Variants in TBC1D32 observed in about 807,000 individuals in gnomAD.
The protein encoded by TBC1D32 is TBC1 domain family member 32.
A neutral mutation model predicts 170.3 loss-of-function variants in TBC1D32; 151 were observed. The ratio of observed to expected loss-of-function variants is 0.89; its 90% confidence interval spans 0.78 to 1.01. The LOEUF is 1.01. TBC1D32 is among the 50% of genes least tolerant of loss of function. The pLI is 0.00. For synonymous variants in TBC1D32, 498 were observed against 488.0 expected (o/e 1.02, Z -0.27); for missense variants, 1,464 against 1,457.1 (o/e 1.00, Z -0.08).
chr6:121,242,348 G>A lies in TBC1D32; in HGVS notation c.2019-9C>T, dbSNP rs1340747127. On this transcript the variant is annotated splice_polypyrimidine_tract_variant and intron_variant, in intron 17 of 31. Coordinates refer to ENST00000398212, the MANE Select transcript of TBC1D32 (RefSeq NM_152730.6). Reference sequence around the variant, plus strand: ...TATCTTCCCAAGCCATACTGAAATAGGTAAAAGAAAGGTAGAGCTTTCTTT... The same window carrying A: ...TATCTTCCCAAGCCATACTGAAATAAGTAAAAGAAAGGTAGAGCTTTCTTT... The A allele has an allele frequency of 8.1e-6, 13 of 1,609,330 alleles. No homozygotes were observed. The highest frequency in any genetic ancestry group is 1.1e-5 in the Non-Finnish European group (13 of 1,178,320).
At chr6:121,149,037 T>C (rs946010772) in intron 24 of TBC1D32, among the ~76,000 whole-genome samples, 25 of 152,376 alleles carry the variant, frequency 1.6e-4, no homozygotes, top group African/African-American at 5.8e-4. Context: ...TTCATGTTTA[T>C]TGGCTGCATA....
intron 22 of TBC1D32, among the ~76,000 whole-genome samples, chr6:121,185,287 A>G (rs181149184): frequency 1.9e-4 from 29 of 152,090 alleles, no homozygotes; most frequent in Admixed American, 1.9e-3. Flanking sequence ...TAGTTAGAGA[A>G]AATTTCCCAT....
In TBC1D32 at chr6:121,284,726, T is replaced by C. The variant is rs113807523; in HGVS notation, c.1373-816A>G. Among the ~76,000 whole-genome samples the C allele has an allele frequency of 8.9e-3, 1,353 of 152,244 alleles. 9 individuals carry two copies. The highest frequency in any genetic ancestry group is 0.041 in the South Asian group (200 of 4,824). On this transcript the variant is annotated intron_variant, in intron 12 of 31. Coordinates refer to ENST00000398212, the MANE Select transcript of TBC1D32 (RefSeq NM_152730.6). The stretch of plus-strand genomic sequence containing the variant: ...CTCAATTTTCAGGTGGTCTATAATA[T>C]CTGGTAGGCCAAAATGTAGATGTTA...
Position 121,095,403 on chromosome 6 carries a change from T to C in TBC1D32, c.3466-4362A>G, listed in dbSNP as rs55993618. 8.2e-3 allele frequency among the ~76,000 whole-genome samples: 1,246 copies of C among 152,276 alleles called. 18 individuals carry two copies. The highest frequency in any genetic ancestry group is 0.029 in the African/African-American group (1,191 of 41,552). ...ATAAGAACATTACATCTTCCTCTTTTCCTATTTGAATACCCTTTATTTCTT... is the reference window on the plus strand; with the variant it reads ...ATAAGAACATTACATCTTCCTCTTTCCCTATTTGAATACCCTTTATTTCTT... On this transcript the variant is annotated intron_variant, in intron 30 of 31. Transcript: ENST00000398212.
At chr6:121,315,835 T>A (rs1808861144) in intron 3 of TBC1D32, among the ~76,000 whole-genome samples, 1 of 152,152 alleles carries the variant, frequency 6.6e-6, no homozygotes, top group Non-Finnish European at 1.5e-5. Flanking sequence ...CAATATCTCC[T>A]AGAACTTGGA....
intron 12 of TBC1D32, among the ~76,000 whole-genome samples, chr6:121,289,664 G>A (rs1215509444): frequency 5.9e-5 from 9 of 151,960 alleles, no homozygotes; most frequent in Non-Finnish European, 1.3e-4. Flanking sequence ...AGTTCATATG[G>A]AACCAAAAAA....
chr6:121,162,089 G>T (rs565737057), intron 22 of TBC1D32, among the ~76,000 whole-genome samples: 1 of 152,094 alleles, frequency 6.6e-6, no homozygotes, highest in Non-Finnish European at 1.5e-5. Context: ...ATTAGGTGTT[G>T]TTAGATCTTT....
intron 24 of TBC1D32, among the ~76,000 whole-genome samples, chr6:121,159,445 T>G (rs1200438888): frequency 6.6e-6 from 1 of 152,168 alleles, no homozygotes; most frequent in African/African-American, 2.4e-5. Flanking sequence ...ACTGGACAGA[T>G]CAGCTACAGC....
intron 1 of TBC1D32, among the ~76,000 whole-genome samples, chr6:121,328,718 G>A (rs1188444221): frequency 6.6e-6 from 1 of 152,088 alleles, no homozygotes; most frequent in African/African-American, 2.4e-5. Flanking sequence ...TGCAACCTTA[G>A]GCAAAACACC....
At position 121,303,773 on chromosome 6, in the gene TBC1D32, G is replaced by T; in HGVS notation, c.936-12C>A. ...TTTCTTCCATATACCTTAAAGTTTGGGAAAAAAGAAATACAATTACACATA... is the reference window on the plus strand; with the variant it reads ...TTTCTTCCATATACCTTAAAGTTTGTGAAAAAAGAAATACAATTACACATA... On this transcript the variant is annotated splice_polypyrimidine_tract_variant and intron_variant, in intron 8 of 31. Coordinates refer to ENST00000398212, the MANE Select transcript of TBC1D32 (RefSeq NM_152730.6). 6.7e-7 allele frequency: 1 copy of T among 1,494,298 alleles called. No individual in the cohort carries two copies. Among genetic ancestry groups the T allele is most frequent in the Non-Finnish European group, 9.0e-7 (1 of 1,107,168 alleles). 92.6% of individuals were successfully genotyped at this position (1,494,298 alleles called of 1,614,324 possible). A position where few individuals can be genotyped will look rare whatever the true frequency, so the allele number is the denominator to read the frequency against.
At chr6:121,139,479 CGGAG>C (rs1782527131) in intron 24 of TBC1D32, among the ~76,000 whole-genome samples, 1 of 152,032 alleles carries the variant, frequency 6.6e-6, no homozygotes, top group African/African-American at 2.4e-5. Context: ...GAGACATGAA[CGGAG>C]ACTTAATTTC....
chr6:121,090,811 G>T (rs749002025), intron 31 of TBC1D32, 42 bp downstream of exon 31: 2 of 1,558,556 alleles, frequency 1.3e-6, no homozygotes, highest in East Asian at 4.5e-5. Flanking sequence ...ACCAAAGTTA[G>T]CTATTAACTC....
intron 20 of TBC1D32, chr6:121,236,850 C>G (rs570114850): frequency 6.6e-6 from 1 of 151,938 alleles, no homozygotes; most frequent in African/African-American, 2.4e-5. Flanking sequence ...ATCCTATGTA[C>G]GATTTTATTT....
intron 15 of TBC1D32, among the ~76,000 whole-genome samples, chr6:121,271,243 G>A (rs1054259019): frequency 1.3e-5 from 2 of 152,280 alleles, no homozygotes; most frequent in African/African-American, 4.8e-5. Context: ...ATTCAACAGA[G>A]TTTTGGAAGT....
rs571213723 is a variant in TBC1D32 at position 121,200,759 on chromosome 6, G to A, written c.2570+4316C>T. On this transcript the variant is annotated intron_variant, in intron 22 of 31. Transcript: ENST00000398212. The stretch of plus-strand genomic sequence containing the variant: ...GAATGGGCTATAAGTAATTCATAGA[G>A]CAAGCTTTGTGTTGAAGGATGGGTT... 3.2e-4 allele frequency among the ~76,000 whole-genome samples: 48 copies of A among 151,594 alleles called. 1 individual carries two copies. Among genetic ancestry groups the A allele is most frequent in the Non-Finnish European group, 5.4e-4 (37 of 68,016 alleles).
rs372273339 is a variant in TBC1D32, at chr6:121,275,117, C to T, written c.1733+4004G>A. Among the ~76,000 whole-genome samples, 435 of 152,136 alleles carry T rather than the reference C, an allele frequency of 2.9e-3. 3 individuals carry two copies. Among genetic ancestry groups the T allele is most frequent in the African/African-American group, 9.9e-3 (412 of 41,526 alleles). Reference sequence around the variant, plus strand: ...AGTCGATTGCACAACAGTATTGCACCGATGGAGAATGAAGGAACTAGGTAC... The same window carrying T: ...AGTCGATTGCACAACAGTATTGCACTGATGGAGAATGAAGGAACTAGGTAC... On this transcript the variant is annotated intron_variant, in intron 15 of 31. Transcript: ENST00000398212.
intron 30 of TBC1D32, among the ~76,000 whole-genome samples, chr6:121,103,865 G>T (rs1352430668): frequency 1.3e-5 from 2 of 151,798 alleles, no homozygotes; most frequent in Non-Finnish European, 2.9e-5. Flanking sequence ...CTTTTTAGAA[G>T]AATAGAAAGA....
chr6:121,080,830 G>T lies in TBC1D32; in HGVS notation c.3715C>A (p.Gln1239Lys), dbSNP rs1775564243. The T allele has an allele frequency of 4.3e-6, 7 of 1,613,820 alleles. No individual in the cohort carries two copies. The highest frequency in any genetic ancestry group is 5.9e-6 in the Non-Finnish European group (7 of 1,179,870). The change falls in exon 32 of 32, where the codon CAA (glutamine) becomes AAA (lysine). Residue 1239 changes from glutamine to lysine, a missense_variant. Around this residue, in one of 3 missense-constraint regions of TBC1D32, gnomAD observed 97 missense variants for 102.0 expected, o/e 0.95. Coordinates refer to ENST00000398212, the MANE Select transcript of TBC1D32 (RefSeq NM_152730.6). The part of the protein sequence containing the change: ...DYFEYMEILE[Q>K]NYRTVLLRDM... ...CTCAGCAGCACTGTTCGGTAGTTTT[G>T]TTCCAAAATTTCCATGTATTCAAAA...
At chr6:121,303,099 A>C (rs1221664480) in intron 9 of TBC1D32, among the ~76,000 whole-genome samples, 1 of 152,150 alleles carries the variant, frequency 6.6e-6, no homozygotes, top group Non-Finnish European at 1.5e-5. Context: ...CAGTATAAAG[A>C]TCTCTCTACT....
Sources: gnomAD v4.1 joint callset for allele counts (sites outside exome capture counted in the v4.1 genomes callset) on GRCh38, gnomAD v4.1.1 for gene constraint, gnomAD v4.1.1 regional missense constraint, MANE v1.5 for transcripts, NCBI Gene and HGNC (gene_info 2026-07-23, HGNC 2026-07-21) for gene names.